Variants in DHRSX observed in about 807,000 individuals in gnomAD.
DHRSX encodes the protein polyprenol dehydrogenase.
In DHRSX, 31 loss-of-function variants were observed where a neutral mutation model predicts 34.0. The ratio of observed to expected loss-of-function variants is 0.91; its 90% CI spans 0.69 to 1.23. The LOEUF (loss-of-function observed/expected upper bound fraction) is 1.23, where lower values mean the gene tolerates loss of function less well. DHRSX is among the 50% of genes most tolerant of loss of function. The pLI is 0.00. For missense variants in DHRSX, 414 were observed against 428.1 expected (o/e 0.97, Z 0.29); for synonymous variants, 201 against 183.8 (o/e 1.09, Z -0.76).
intron 5 of DHRSX, among the ~76,000 whole-genome samples, chrX:2,250,270 G>A (rs1209534640): frequency 3.9e-5 from 6 of 152,006 alleles, no homozygotes; most frequent in African/African-American, 7.2e-5. Flanking sequence ...AGAGGTGGGC[G>A]GATCACCTGA....
At chrX:2,253,083 G>A (rs1569480107) in intron 5 of DHRSX, among the ~76,000 whole-genome samples, 1 of 152,248 alleles carries the variant, frequency 6.6e-6, no homozygotes, top group South Asian at 2.1e-4. Flanking sequence ...CTAATTGTGA[G>A]GCTGAGGTGG....
chrX:2,432,113 G>C (rs2043933209), intron 1 of DHRSX, among the ~76,000 whole-genome samples: 1 of 152,216 alleles, frequency 6.6e-6, no homozygotes, highest in South Asian at 2.1e-4. Context: ...AGGATCGCTT[G>C]AACCCGGGAG....
intron 3 of DHRSX, among the ~76,000 whole-genome samples, chrX:2,404,222 C>T (rs2124633599): frequency 6.6e-6 from 1 of 152,086 alleles, no homozygotes; most frequent in African/African-American, 2.4e-5. Flanking sequence ...CCCCCAGAGG[C>T]CCCGATTCAC....
rs186965198 is a variant in DHRSX at position 2,220,980 on chromosome X, C to G, written c.*61G>C. The stretch of plus-strand genomic sequence containing the variant: ...CTCAAACACCGCAGTCTTCACAGAC[C>G]CACAAGCTATTGGCAGGTGCAATGT... On this transcript the variant is annotated 3_prime_UTR_variant, in exon 7 of 7. Coordinates refer to ENST00000334651, the MANE Select transcript of DHRSX (RefSeq NM_145177.3). The G allele has an allele frequency of 7.1e-6, 11 of 1,551,360 alleles. No individual in the cohort carries two copies. The highest frequency in any genetic ancestry group is 1.7e-4 in the Middle Eastern group (1 of 5,728).
chrX:2,325,763 C>G (rs1398933617), intron 3 of DHRSX, among the ~76,000 whole-genome samples: 1 of 152,214 alleles, frequency 6.6e-6, no homozygotes, highest in East Asian at 1.9e-4. Context: ...ACCGCCTCCT[C>G]AAACTGGACT....
intron 3 of DHRSX, among the ~76,000 whole-genome samples, chrX:2,372,609 TTTG>T (rs2043086498): frequency 1.2e-5 from 1 of 83,502 alleles, no homozygotes; most frequent in Non-Finnish European, 3.0e-5. Flanking sequence ...CTTTTCCTTC[TTTG>T]TTTTTTTTTT....
chrX:2,387,646 G>C (rs752622827), intron 3 of DHRSX, among the ~76,000 whole-genome samples: 26 of 151,952 alleles, frequency 1.7e-4, no homozygotes, highest in African/African-American at 6.3e-4. Context: ...CCCAGCCCAC[G>C]GACTCAAATG....
chrX:2,338,692 C>T (rs2042602405), intron 3 of DHRSX, among the ~76,000 whole-genome samples: 1 of 152,076 alleles, frequency 6.6e-6, no homozygotes, highest in African/African-American at 2.4e-5. Context: ...CCCGTTCCAC[C>T]ATGAGTGGAA....
At chrX:2,290,058 T>C (rs1434762417) in intron 4 of DHRSX, among the ~76,000 whole-genome samples, 3 of 152,210 alleles carry the variant, frequency 2.0e-5, no homozygotes, top group Non-Finnish European at 4.4e-5. Flanking sequence ...ATACATCAAA[T>C]ACATATACAA....
intron 4 of DHRSX, among the ~76,000 whole-genome samples, chrX:2,272,135 CAAAA>C (rs969371913): frequency 2.7e-5 from 4 of 150,714 alleles, no homozygotes; most frequent in South Asian, 4.2e-4. Context: ...GTCTCAAAAA[CAAAA>C]AAAAACCAAC....
intron 3 of DHRSX, among the ~76,000 whole-genome samples, chrX:2,393,143 TATA>T (rs1350211206): frequency 2.7e-5 from 4 of 148,174 alleles, no homozygotes; most frequent in Non-Finnish European, 4.5e-5. Flanking sequence ...GTATATGCTT[TATA>T]ATAATAAATA....
intron 3 of DHRSX, among the ~76,000 whole-genome samples, chrX:2,340,029 T>C (rs2042620594): frequency 6.6e-6 from 1 of 152,100 alleles, no homozygotes. Context: ...CTCTAGCATC[T>C]GTTGTTTCCT....
chrX:2,238,708 C>A (rs749651981), intron 6 of DHRSX, among the ~76,000 whole-genome samples: 1 of 151,732 alleles, frequency 6.6e-6, no homozygotes, highest in Non-Finnish European at 1.5e-5. Flanking sequence ...CTCAGCCTCC[C>A]GAGTAGCTGG....
chrX:2,297,472 C>T (rs2041948043), intron 3 of DHRSX, among the ~76,000 whole-genome samples: 1 of 152,092 alleles, frequency 6.6e-6, no homozygotes. Context: ...ACGGTATCCT[C>T]CACTCCGTCC....
chrX:2,443,961 A>ACGT (rs1353534348), intron 1 of DHRSX, among the ~76,000 whole-genome samples: 1 of 149,844 alleles, frequency 6.7e-6, no homozygotes, highest in Non-Finnish European at 1.5e-5. Context: ...AGCTGAGATC[A>ACGT]CACCCTGCAC....
chrX:2,338,431 T>C (rs2042597691), intron 3 of DHRSX, among the ~76,000 whole-genome samples: 1 of 151,884 alleles, frequency 6.6e-6, no homozygotes, highest in Non-Finnish European at 1.5e-5. Flanking sequence ...CAGGCTCTGC[T>C]TTAAAATTCC....
At chrX:2,270,328 G>T (rs1448812087) in intron 4 of DHRSX, among the ~76,000 whole-genome samples, 1 of 152,078 alleles carries the variant, frequency 6.6e-6, no homozygotes, top group Non-Finnish European at 1.5e-5. Context: ...CCCAACTTTG[G>T]AACTCCTACA....
intron 3 of DHRSX, among the ~76,000 whole-genome samples, chrX:2,330,680 A>G (rs2042459228): frequency 7.7e-6 from 1 of 130,310 alleles, no homozygotes; most frequent in African/African-American, 3.3e-5. Context: ...GAGAAGGAGG[A>G]GGAGAAGTAG....
chrX:2,360,548 A>G (rs933583498), intron 3 of DHRSX, among the ~76,000 whole-genome samples: 1 of 152,042 alleles, frequency 6.6e-6, no homozygotes, highest in Non-Finnish European at 1.5e-5. Context: ...GCGCCACTGC[A>G]CTCCAGCCTG....
Sources: allele counts gnomAD v4.1 joint callset (sites outside exome capture counted in the v4.1 genomes callset), GRCh38; gene constraint gnomAD v4.1.1; transcripts MANE v1.5; gene names NCBI Gene and HGNC (gene_info 2026-07-23, HGNC 2026-07-21).